The following PRMT8 variants were observed in gnomAD, a reference collection of about 807,000 sequenced individuals.
PRMT8 encodes the protein protein arginine methyltransferase 8.
Under a neutral mutation model 47.1 loss-of-function variants are expected in PRMT8, and 7 were observed. The observed-to-expected ratio is 0.15, with a 90% CI of 0.08 to 0.28. The LOEUF (loss-of-function observed/expected upper bound fraction) is 0.28, where lower values mean the gene tolerates loss of function less well. Among genes scored for constraint, PRMT8 ranks in the 10% least tolerant of loss-of-function variants. PRMT8 has a pLI of 1.00. For missense variants in PRMT8, 237 were observed against 505.4 expected, an observed-to-expected ratio of 0.47 and a Z score of 5.09; for synonymous variants, 188 against 186.5, an observed-to-expected ratio of 1.01 and a Z score of -0.07.
intron 1 of PRMT8, among the ~76,000 whole-genome samples, chr12:3,474,811 G>A (rs1459811552): frequency 6.6e-6 from 1 of 152,124 alleles, no homozygotes; most frequent in Non-Finnish European, 1.5e-5. Context: ...CTCAAGGGTA[G>A]GAATCATGTC....
At chr12:3,548,768 T>C (rs1866368886) in intron 2 of PRMT8, among the ~76,000 whole-genome samples, 1 of 152,192 alleles carries the variant, frequency 6.6e-6, no homozygotes, top group African/African-American at 2.4e-5. Context: ...GAAAACTCTT[T>C]GGCAATTTCT....
intron 1 of PRMT8, among the ~76,000 whole-genome samples, chr12:3,537,147 C>T (rs1432282335): frequency 6.6e-6 from 1 of 152,188 alleles, no homozygotes; most frequent in Non-Finnish European, 1.5e-5. Context: ...GTGAAAGGAC[C>T]TATCTCTCTG....
At chr12:3,392,855 A>G (rs1864208874) in intron 1 of PRMT8, among the ~76,000 whole-genome samples, 1 of 152,114 alleles carries the variant, frequency 6.6e-6, no homozygotes, top group Non-Finnish European at 1.5e-5. Flanking sequence ...CTATTTCTCC[A>G]CATCCTCTCC....
intron 1 of PRMT8, among the ~76,000 whole-genome samples, chr12:3,437,215 A>T (rs1198113023): frequency 3.3e-5 from 5 of 152,182 alleles, no homozygotes; most frequent in African/African-American, 1.2e-4. Context: ...ATATTTATAT[A>T]TATCTTCTGC....
At chr12:3,389,454 C>G (rs565533692) in intron 1 of PRMT8, among the ~76,000 whole-genome samples, 2 of 152,192 alleles carry the variant, frequency 1.3e-5, no homozygotes, top group Non-Finnish European at 2.9e-5. Flanking sequence ...GGAAGGCATT[C>G]GCTCATTCTT....
At chr12:3,414,033 A>G (rs1864460067) in intron 1 of PRMT8, among the ~76,000 whole-genome samples, 2 of 152,206 alleles carry the variant, frequency 1.3e-5, no homozygotes, top group Admixed American at 6.5e-5. Context: ...ACATAGGTCA[A>G]ATTGTTAGTA....
chr12:3,575,604 G>A (rs564698849), intron 6 of PRMT8, among the ~76,000 whole-genome samples: 1 of 152,220 alleles, frequency 6.6e-6, no homozygotes, highest in Non-Finnish European at 1.5e-5. Flanking sequence ...GATATTATAT[G>A]AGAGCCAGAT....
intron 1 of PRMT8, among the ~76,000 whole-genome samples, chr12:3,531,212 G>T (rs913848379): frequency 2.0e-5 from 3 of 152,164 alleles, no homozygotes; most frequent in African/African-American, 7.2e-5. Context: ...CTACACATCT[G>T]CCCATAAAAG....
intron 1 of PRMT8, among the ~76,000 whole-genome samples, chr12:3,404,665 T>C (rs762005600): frequency 6.6e-6 from 1 of 152,234 alleles, no homozygotes; most frequent in Non-Finnish European, 1.5e-5. Context: ...AGTTCAATTG[T>C]TAATTAAGTT....
rs761693137 is a variant in PRMT8 at position 3,593,110 on chromosome 12, T to C, written c.1113T>C (p.Asp371=). The C allele has an allele frequency of 6.2e-7, 1 of 1,614,126 alleles. No individual in the cohort carries two copies. The highest frequency in any genetic ancestry group is 2.2e-5 in the East Asian group (1 of 44,876). Residue 371 remains aspartate (D), a synonymous_variant, in exon 10 of 10, where the codon GAT becomes GAC. Transcript: ENST00000382622. The surrounding 1 kb of genome is among the most constrained non-coding windows in gnomAD (Gnocchi z 4.8). ...KPNAKNVRDL[D]FTVDLDFKGQ... ...TCTCTGCCTTGCAGCGAGACCTCGA[T>C]TTCACAGTAGACTTGGATTTTAAGG...
intron 1 of PRMT8, among the ~76,000 whole-genome samples, chr12:3,481,295 T>C (rs1293299999): frequency 6.6e-6 from 1 of 152,212 alleles, no homozygotes; most frequent in African/African-American, 2.4e-5. Context: ...CTTTTGTCTA[T>C]GGCTCAAGAG....
At chr12:3,455,146 T>G (rs1864960098) in intron 1 of PRMT8, among the ~76,000 whole-genome samples, 1 of 152,120 alleles carries the variant, frequency 6.6e-6, no homozygotes, top group Non-Finnish European at 1.5e-5. Context: ...TTAAACTCTT[T>G]CTCTGCTGCA....
chr12:3,551,905 A>T (rs1013472581), intron 3 of PRMT8: 1 of 152,600 alleles, frequency 6.6e-6, no homozygotes, highest in East Asian at 1.9e-4. Context: ...AGACAGAGAA[A>T]GGTGCAGAGA....
intron 1 of PRMT8, among the ~76,000 whole-genome samples, chr12:3,467,083 C>CA (rs1565414846): frequency 6.6e-6 from 1 of 151,462 alleles, no homozygotes; most frequent in Non-Finnish European, 1.5e-5. Context: ...ACTAAAAATA[C>CA]AAAAAAATTA....
intron 1 of PRMT8, among the ~76,000 whole-genome samples, chr12:3,416,242 T>C (rs1864482684): frequency 6.6e-6 from 1 of 152,198 alleles, no homozygotes. Flanking sequence ...TTTGTGTCTT[T>C]GCTGACATCA....
At position 3,592,340 on chromosome 12, in the gene PRMT8, T is replaced by C; in HGVS notation, c.1089T>C (p.Asn363=). 2 of 1,599,382 alleles carry C rather than the reference T, an allele frequency of 1.3e-6. No homozygotes were observed. The highest frequency in any genetic ancestry group is 2.3e-5 in the East Asian group (1 of 43,752). Residue 363 remains asparagine, a synonymous_variant, in exon 9 of 10, where the codon AAT becomes AAC. Coordinates refer to ENST00000382622, the MANE Select transcript of PRMT8 (RefSeq NM_019854.5). ...ACGGGACCATATCCATGAAGCCAAA[T>C]GCCAAAAATGTGGTAAGTGCCGAGG... ...EIYGTISMKP[N]AKNVRDLDFT...
chr12:3,498,573 C>A (rs145306756), intron 1 of PRMT8, among the ~76,000 whole-genome samples: 1 of 152,136 alleles, frequency 6.6e-6, no homozygotes, highest in Admixed American at 6.5e-5. Context: ...ACTCTCCCTG[C>A]GCATCTAAAC....
At chr12:3,397,670 C>T (rs899170082) in intron 1 of PRMT8, among the ~76,000 whole-genome samples, 1 of 152,092 alleles carries the variant, frequency 6.6e-6, no homozygotes, top group Non-Finnish European at 1.5e-5. Context: ...TTTTGTTTGT[C>T]TGTGCCCTGC....
chr12:3,453,737 C>T lies in PRMT8; in HGVS notation c.48+72295C>T, dbSNP rs1864945196. Among the ~76,000 whole-genome samples the T allele has an allele frequency of 6.6e-6, 1 of 152,142 alleles. No individual in the cohort carries two copies. The highest frequency in any genetic ancestry group is 2.4e-5 in the African/African-American group (1 of 41,418). On this transcript the variant is annotated intron_variant, in intron 1 of 9. Transcript: ENST00000452611. The surrounding 1 kb of genome is among the most constrained non-coding windows in gnomAD (Gnocchi z 4.9). ...TTCTGCCCACACATCTCCTGCGGCA[C>T]CCTGTGGTCTGTGTCCTGACGTGGC...
Sources: gnomAD v4.1 joint callset for allele counts (sites outside exome capture counted in the v4.1 genomes callset) on GRCh38, gnomAD v4.1.1 for gene constraint, Gnocchi (gnomAD v3.1) non-coding constraint, MANE v1.5 for transcripts, NCBI Gene and HGNC (gene_info 2026-07-23, HGNC 2026-07-21) for gene names.